Variants in SLC14A2 observed in about 807,000 individuals in gnomAD.
SLC14A2 encodes the protein solute carrier family 14 member 2, also known as urea transporter 2.
A neutral mutation model predicts 104.6 loss-of-function variants in SLC14A2; 91 were observed. That is an observed-to-expected ratio of 0.87 (90% CI 0.73 to 1.04). SLC14A2 has a LOEUF of 1.04. Ranked by LOEUF, SLC14A2 falls within the 50% of genes least tolerant of loss-of-function variation. The pLI is 0.00. For synonymous variants in SLC14A2, 476 were observed against 466.4 expected, an observed-to-expected ratio of 1.02 and a Z score of -0.27; for missense variants, 1,189 against 1,156.0, an observed-to-expected ratio of 1.03 and a Z score of -0.41.
rs78315135 is a variant in SLC14A2, at chr18:45,534,289, G to A, written c.-35+50967G>A. 5.8e-4 allele frequency among the ~76,000 whole-genome samples: 88 copies of A among 152,252 alleles called. 1 individual carries two copies. The East Asian group carries it at 0.016, about 28-fold the overall frequency. The stretch of plus-strand genomic sequence containing the variant: ...GGAGGGATGATTCTACAGTGGAGTG[G>A]CAAGTCTTAGAAACAGGGAGCTAGA... On this transcript the variant is annotated intron_variant, in intron 2 of 20. Transcript: ENST00000586448.
At chr18:45,253,440 T>C (rs907183517) in intron 1 of SLC14A2, among the ~76,000 whole-genome samples, 8 of 152,092 alleles carry the variant, frequency 5.3e-5, no homozygotes, top group Non-Finnish European at 1.2e-4. Context: ...ACAATGCTTC[T>C]TAAAATAGTT....
chr18:45,212,176 C>T (rs540958088), upstream of SLC14A2, among the ~76,000 whole-genome samples: 1 of 152,254 alleles, frequency 6.6e-6, no homozygotes, highest in East Asian at 1.9e-4. Context: ...CAACATAGAT[C>T]AAACTTTTGC....
At chr18:45,431,049 T>C (rs535196591) in intron 1 of SLC14A2, among the ~76,000 whole-genome samples, 1 of 152,334 alleles carries the variant, frequency 6.6e-6, no homozygotes, top group Admixed American at 6.5e-5. Context: ...TTGGATCTTA[T>C]ATAATCTACT....
intron 1 of SLC14A2, among the ~76,000 whole-genome samples, chr18:45,303,053 T>C (rs1463843155): frequency 2.0e-5 from 3 of 152,038 alleles, no homozygotes; most frequent in Non-Finnish European, 4.4e-5. Context: ...AAAAGAAAAC[T>C]TCAGCTGAAT....
At chr18:45,544,687 T>C (rs2144866040) in intron 2 of SLC14A2, among the ~76,000 whole-genome samples, 1 of 152,092 alleles carries the variant, frequency 6.6e-6, no homozygotes, top group Non-Finnish European at 1.5e-5. Context: ...TAAATAGCTT[T>C]TATAAAAATG....
At chr18:45,532,836 G>C (rs932013034) in intron 2 of SLC14A2, among the ~76,000 whole-genome samples, 4 of 152,160 alleles carry the variant, frequency 2.6e-5, no homozygotes, top group South Asian at 2.1e-4. Context: ...CTGTGGGTTT[G>C]TCATAGATAG....
the SLC14A2 span, among the ~76,000 whole-genome samples, chr18:45,185,969 TA>T: frequency 6.6e-6 from 1 of 152,020 alleles, no homozygotes; most frequent in South Asian, 2.1e-4. Context: ...TATGAGAAAA[TA>T]AAGATCTAAA....
intron 1 of SLC14A2, among the ~76,000 whole-genome samples, chr18:45,393,880 G>A (rs554400884): frequency 6.6e-6 from 1 of 152,108 alleles, no homozygotes. Context: ...ATCCCTCTAT[G>A]GTATCATCAT....
intron 2 of SLC14A2, among the ~76,000 whole-genome samples, chr18:45,503,053 T>C (rs2852317): frequency 6.6e-6 from 1 of 152,156 alleles, no homozygotes; most frequent in Non-Finnish European, 1.5e-5. Flanking sequence ...ATGTGGTCCA[T>C]GGAAAGTCTT....
chr18:45,528,178 TGTGCG>T (rs1340045287), intron 2 of SLC14A2: 1 of 15,376 alleles, frequency 6.5e-5, no homozygotes, highest in African/African-American at 1.4e-4. Flanking sequence ...TGTGTGTGTG[TGTGCG>T]GGGGGGGGGG....
chr18:45,643,060 T>C, intron 8 of SLC14A2, 72 bp from the exon 9 acceptor site: 1 of 1,418,854 alleles, frequency 7.0e-7, no homozygotes, highest in Non-Finnish European at 1.0e-6. Context: ...CTGGGCTCCC[T>C]GGTCTGCAAT....
chr18:45,391,632 A>G (rs1253312328), intron 1 of SLC14A2, among the ~76,000 whole-genome samples: 1 of 152,084 alleles, frequency 6.6e-6, no homozygotes, highest in Non-Finnish European at 1.5e-5. Flanking sequence ...CTGGTGTGAG[A>G]TGGTATCTCA....
At chr18:45,645,392 T>C (rs2045602059) in intron 10 of SLC14A2, among the ~76,000 whole-genome samples, 1 of 152,060 alleles carries the variant, frequency 6.6e-6, no homozygotes, top group Non-Finnish European at 1.5e-5. Flanking sequence ...AACCAGCATC[T>C]CTAAGCAGAG....
chr18:45,477,429 G>C (rs1344823550), intron 1 of SLC14A2, among the ~76,000 whole-genome samples: 1 of 152,194 alleles, frequency 6.6e-6, no homozygotes, highest in Non-Finnish European at 1.5e-5. Flanking sequence ...ACCCCTGCTA[G>C]GAGGCATCTC....
chr18:45,177,121 C>T, the SLC14A2 span, among the ~76,000 whole-genome samples: 18,365 of 152,194 alleles, frequency 0.12, 1,424 homozygotes, highest in Middle Eastern at 0.21. Flanking sequence ...TCTTTGTCTC[C>T]ATTCTTCCAG....
chr18:45,401,688 T>G (rs923580456), intron 1 of SLC14A2, among the ~76,000 whole-genome samples: 2 of 152,208 alleles, frequency 1.3e-5, no homozygotes, highest in Admixed American at 1.3e-4. Flanking sequence ...AAATAATTAT[T>G]TGGGGCAAAA....
At chr18:45,494,786 C>T (rs929763601) in intron 2 of SLC14A2, among the ~76,000 whole-genome samples, 2 of 152,034 alleles carry the variant, frequency 1.3e-5, no homozygotes, top group Non-Finnish European at 2.9e-5. Context: ...TCTCCTTCAC[C>T]TCTCTTCAGT....
chr18:45,673,138 C>A, intron 17 of SLC14A2, 91 bp downstream of exon 17: 1 of 1,173,186 alleles, frequency 8.5e-7, no homozygotes, highest in Non-Finnish European at 1.2e-6. Flanking sequence ...AACACTCCAC[C>A]TGCTGATTCC....
intron 1 of SLC14A2, among the ~76,000 whole-genome samples, chr18:45,362,673 C>T (rs970510198): frequency 5.9e-5 from 9 of 152,174 alleles, no homozygotes; most frequent in African/African-American, 2.2e-4. Context: ...TTAGCTGCTA[C>T]CAGGTAGGGC....
Sources: gnomAD v4.1 joint callset for allele counts (sites outside exome capture counted in the v4.1 genomes callset) on GRCh38, gnomAD v4.1.1 for gene constraint, MANE v1.5 for transcripts, NCBI Gene and HGNC (gene_info 2026-07-23, HGNC 2026-07-21) for gene names.